Variants in SAMD3 observed in about 807,000 individuals in gnomAD.
The protein encoded by SAMD3 is sterile alpha motif domain containing 3.
In SAMD3, 63 loss-of-function variants were observed where a neutral mutation model predicts 58.5. The observed-to-expected ratio is 1.08, with a 90% confidence interval of 0.88 to 1.33. The LOEUF (loss-of-function observed/expected upper bound fraction) is 1.33, where lower values mean the gene tolerates loss of function less well. Ranked by LOEUF, SAMD3 falls within the 40% of genes most tolerant of loss-of-function variation. SAMD3 has a pLI of 0.00. For missense variants in SAMD3, 604 were observed against 608.4 expected, an observed-to-expected ratio of 0.99 and a Z score of 0.08; for synonymous variants, 220 against 210.3, an observed-to-expected ratio of 1.05 and a Z score of -0.40.
chr6:130,157,703 T>G (rs979747845), intron 8 of SAMD3, among the ~76,000 whole-genome samples: 19 of 152,200 alleles, frequency 1.2e-4, no homozygotes, highest in Non-Finnish European at 1.8e-4. Context: ...TTTATTAAAC[T>G]CTTACTCAGC....
intron 5 of SAMD3, among the ~76,000 whole-genome samples, chr6:130,195,835 C>T (rs542130322): frequency 1.3e-5 from 2 of 152,248 alleles, no homozygotes; most frequent in Admixed American, 1.3e-4. Context: ...CTCTCAAACC[C>T]CAACACCTTC....
At chr6:130,150,102 T>TGTGTGTGTGTGCGCGC (rs370711832) in intron 9 of SAMD3, among the ~76,000 whole-genome samples, 1 of 146,028 alleles carries the variant, frequency 6.8e-6, no homozygotes, top group Non-Finnish European at 1.5e-5. Flanking sequence ...TTGGTTCATG[T>TGTGTGTGTGTGCGCGC]GTGTGTGTGT....
At chr6:130,342,831 C>T (rs1430094774) in intron 1 of SAMD3, among the ~76,000 whole-genome samples, 2 of 152,106 alleles carry the variant, frequency 1.3e-5, no homozygotes, top group Non-Finnish European at 2.9e-5. Flanking sequence ...ATAAAATTCT[C>T]AAAGGCTTTA....
intron 9 of SAMD3, among the ~76,000 whole-genome samples, chr6:130,153,007 C>T (rs936887487): frequency 4.6e-5 from 7 of 152,178 alleles, no homozygotes; most frequent in Non-Finnish European, 5.9e-5. Flanking sequence ...CCTAAGGCTA[C>T]GACATTAGTG....
intron 8 of SAMD3, among the ~76,000 whole-genome samples, chr6:130,159,154 G>A (rs1014033373): frequency 4.6e-5 from 7 of 152,162 alleles, no homozygotes; most frequent in African/African-American, 1.7e-4. Context: ...GGAGATGATT[G>A]AATCATGGGG....
chr6:130,302,504 T>C (rs1160231643), intron 2 of SAMD3, among the ~76,000 whole-genome samples: 1 of 152,228 alleles, frequency 6.6e-6, no homozygotes, highest in Non-Finnish European at 1.5e-5. Context: ...TCAACCCTTA[T>C]GGAAAACAGT....
At chr6:130,244,550 A>T (rs997165901) in intron 2 of SAMD3, among the ~76,000 whole-genome samples, 2 of 151,858 alleles carry the variant, frequency 1.3e-5, no homozygotes, top group Non-Finnish European at 2.9e-5. Context: ...GATCAGCCTG[A>T]CCAACATGAA....
At chr6:130,186,679 T>C (rs951367417) in intron 5 of SAMD3, among the ~76,000 whole-genome samples, 1 of 152,062 alleles carries the variant, frequency 6.6e-6, no homozygotes, top group Non-Finnish European at 1.5e-5. Context: ...CTTTCTCCCA[T>C]GGCCAAATTA....
chr6:130,349,160 T>C (rs533393646), intron 1 of SAMD3, among the ~76,000 whole-genome samples: 188 of 152,040 alleles, frequency 1.2e-3, no homozygotes, highest in African/African-American at 4.2e-3. Flanking sequence ...AACATCACAA[T>C]TAAAAGAACT....
At chr6:130,350,896 G>A (rs1777635787) in intron 1 of SAMD3, among the ~76,000 whole-genome samples, 1 of 152,148 alleles carries the variant, frequency 6.6e-6, no homozygotes. Context: ...CAATGGAACA[G>A]AACAGAGCCC....
intron 1 of SAMD3, among the ~76,000 whole-genome samples, chr6:130,356,527 A>G (rs572913953): frequency 1.3e-5 from 2 of 152,340 alleles, no homozygotes; most frequent in East Asian, 3.9e-4. Context: ...ATTATATTAC[A>G]TATGTAATTA....
intron 2 of SAMD3, among the ~76,000 whole-genome samples, chr6:130,271,491 G>A (rs941746877): frequency 1.3e-5 from 2 of 152,018 alleles, no homozygotes; most frequent in South Asian, 4.2e-4. Flanking sequence ...TATTTCCTTT[G>A]TCCATAATCT....
chr6:130,184,026 T>A (rs1379531860), intron 7 of SAMD3, 77 bp downstream of exon 7: 3 of 1,130,262 alleles, frequency 2.7e-6, no homozygotes, highest in Non-Finnish European at 4.0e-6. Flanking sequence ...GGGTGAAGCA[T>A]AAAATTACTG....
chr6:130,204,518 GC>G lies in SAMD3; in HGVS notation c.383+4976del, dbSNP rs557535586. Reference sequence around the variant, plus strand: ...ATACTGAGGTGGGAGGACTGTTTGAGCCTGGGAAGTGGAGATTGCAATGAGC... The same window carrying G: ...ATACTGAGGTGGGAGGACTGTTTGAGCTGGGAAGTGGAGATTGCAATGAGC... On this transcript the variant is annotated intron_variant, in intron 5 of 11. Transcript: ENST00000439090. 3.3e-3 allele frequency among the ~76,000 whole-genome samples: 493 copies of G among 151,596 alleles called. 4 individuals carry two copies. Among genetic ancestry groups the G allele is most frequent in the African/African-American group, 9.6e-3 (394 of 41,218 alleles).
chr6:130,337,354 C>A (rs1777130461), intron 1 of SAMD3, among the ~76,000 whole-genome samples: 5 of 152,212 alleles, frequency 3.3e-5, no homozygotes, highest in Admixed American at 3.3e-4. Context: ...GCCTCCTCAG[C>A]CATGCAGAAC....
In SAMD3 at chr6:130,176,206, C is replaced by A. The variant is rs1474215891; in HGVS notation, c.655-198G>T. On this transcript the variant is annotated intron_variant, in intron 7 of 11. Coordinates refer to ENST00000439090, the MANE Select transcript of SAMD3 (RefSeq NM_001017373.4). ...GTGACACTGCTACAGAAATTATAAA[C>A]CCTAAGTTATAGGTAAGCAGACAAA... 4 of 650,652 alleles carry A rather than the reference C, an allele frequency of 6.1e-6. No homozygotes were observed. In the Admixed American group the frequency reaches 7.1e-5, roughly 12 times the overall value. 40.3% of individuals were successfully genotyped at this position (650,652 alleles called of 1,614,324 possible).
At position 130,144,629 on chromosome 6, in the gene SAMD3, G is replaced by A. The variant is rs1170165317; in HGVS notation, c.1454C>T (p.Ser485Phe). ...CGTTTCTAGGAAGTTGAAAGTTTGG[G>A]ACAGTCTTCTTGGACACTCAATCCT... ...VFRIECPRRL[S>F]QTFNFLETLI... Residue 485 changes from serine to phenylalanine, a missense_variant, in exon 12 of 12, where the codon TCC (serine) becomes TTC (phenylalanine). By Grantham distance (155) the Ser-to-Phe change is radical (BLOSUM62 -2). Transcript: ENST00000439090. The A allele has an allele frequency of 1.2e-5, 19 of 1,613,990 alleles. No homozygotes were observed. The highest frequency in any genetic ancestry group is 1.4e-5 in the Non-Finnish European group (17 of 1,180,002).
intron 1 of SAMD3, among the ~76,000 whole-genome samples, chr6:130,333,069 G>A (rs1458847794): frequency 6.6e-6 from 1 of 150,830 alleles, no homozygotes; most frequent in Non-Finnish European, 1.5e-5. Context: ...GTGTGTGTGT[G>A]TGTGTGTGTG....
intron 1 of SAMD3, among the ~76,000 whole-genome samples, chr6:130,218,913 C>T (rs554792637): frequency 5.3e-5 from 8 of 152,112 alleles, no homozygotes; most frequent in African/African-American, 1.9e-4. Context: ...GTCTGAAGAT[C>T]GCAGAAAGGC....
Sources: gnomAD v4.1 joint callset for allele counts (sites outside exome capture counted in the v4.1 genomes callset) on GRCh38, gnomAD v4.1.1 for gene constraint, MANE v1.5 for transcripts, NCBI Gene and HGNC (gene_info 2026-07-23, HGNC 2026-07-21) for gene names.